FAM107B: variants seen among roughly 807,000 people sequenced by gnomAD.
FAM107B encodes the protein protein FAM107B.
In FAM107B, 21 loss-of-function variants were observed where a neutral mutation model predicts 31.5. That is an observed-to-expected ratio of 0.67 (90% CI 0.47 to 0.96). The LOEUF is 0.96. FAM107B is among the 40% of genes least tolerant of loss of function. The pLI is 0.00. For synonymous variants in FAM107B, 157 were observed against 141.5 expected, an observed-to-expected ratio of 1.11 and a Z score of -0.78; for missense variants, 452 against 377.1, an observed-to-expected ratio of 1.20 and a Z score of -1.64.
intron 1 of FAM107B, among the ~76,000 whole-genome samples, chr10:14,699,136 G>A (rs1397008739): frequency 2.0e-5 from 3 of 152,194 alleles, no homozygotes; most frequent in Admixed American, 6.5e-5. Flanking sequence ...GAAGTAACAG[G>A]TTCTGGTTGT....
chr10:14,696,410 T>G (rs1039296515), intron 1 of FAM107B, among the ~76,000 whole-genome samples: 4 of 152,222 alleles, frequency 2.6e-5, no homozygotes, highest in Admixed American at 1.3e-4. Context: ...ATTGAGGATT[T>G]TTGCATCAGT....
intron 2 of FAM107B, among the ~76,000 whole-genome samples, chr10:14,578,788 T>C (rs773881599): frequency 2.0e-5 from 3 of 152,220 alleles, no homozygotes; most frequent in Non-Finnish European, 2.9e-5. Context: ...GAAGTATGCA[T>C]ACCATTCCTG....
intron 1 of FAM107B, among the ~76,000 whole-genome samples, chr10:14,733,046 T>C (rs1023295782): frequency 1.4e-5 from 2 of 147,218 alleles, no homozygotes; most frequent in Admixed American, 6.9e-5. Flanking sequence ...ATCTAATATA[T>C]AATTATATCT....
In FAM107B at chr10:14,723,588, A is replaced by G. The variant is rs547834477; in HGVS notation, c.411+50665T>C. 3.9e-5 allele frequency: 26 copies of G among 674,200 alleles called. No homozygotes were observed. In the East Asian group the frequency reaches 6.0e-4, roughly 16 times the overall value. 41.8% of individuals were successfully genotyped at this position (674,200 alleles called of 1,614,324 possible). A position where few individuals can be genotyped will look rare whatever the true frequency, so the allele number is the denominator to read the frequency against. On this transcript the variant is annotated intron_variant, in intron 1 of 4. Coordinates refer to ENST00000181796, the MANE Select transcript of FAM107B (RefSeq NM_031453.4). ...TGTTGCATGGAAAGGCTATGTCCAC[A>G]TAGAACAGAGGGGAATCTGTGTGAC...
intron 1 of FAM107B, among the ~76,000 whole-genome samples, chr10:14,735,687 T>C (rs556746043): frequency 6.6e-6 from 1 of 152,290 alleles, no homozygotes; most frequent in South Asian, 2.1e-4. Context: ...TTCATAGAAT[T>C]TAAAGCAGAA....
chr10:14,724,523 C>T (rs1366812243), intron 1 of FAM107B, among the ~76,000 whole-genome samples: 1 of 152,116 alleles, frequency 6.6e-6, no homozygotes, highest in Non-Finnish European at 1.5e-5. Flanking sequence ...TGCAGATAAC[C>T]CACATGGTCA....
chr10:14,658,911 G>A (rs1299122322), intron 2 of FAM107B, among the ~76,000 whole-genome samples: 1 of 152,154 alleles, frequency 6.6e-6, no homozygotes, highest in Non-Finnish European at 1.5e-5. Context: ...TATAATGTGT[G>A]GATAGTGACA....
chr10:14,746,965 T>A (rs1832737683), intron 1 of FAM107B, among the ~76,000 whole-genome samples: 1 of 152,228 alleles, frequency 6.6e-6, no homozygotes, highest in African/African-American at 2.4e-5. Flanking sequence ...CATAATCCCA[T>A]CATTCTTGGA....
chr10:14,631,461 T>C (rs763336684), intron 2 of FAM107B, among the ~76,000 whole-genome samples: 1 of 152,228 alleles, frequency 6.6e-6, no homozygotes, highest in South Asian at 2.1e-4. Context: ...TTAGAATCCA[T>C]CTATTTTTAG....
intron 1 of FAM107B, among the ~76,000 whole-genome samples, chr10:14,685,982 G>C (rs1854974939): frequency 6.6e-6 from 1 of 152,162 alleles, no homozygotes; most frequent in Admixed American, 6.5e-5. Context: ...AAAACCATCA[G>C]ATCTTGTGGG....
intron 2 of FAM107B, among the ~76,000 whole-genome samples, chr10:14,597,567 G>A (rs1217743559): frequency 6.6e-6 from 1 of 152,190 alleles, no homozygotes; most frequent in Non-Finnish European, 1.5e-5. Context: ...GAGATACTGA[G>A]GAGCAGGTGG....
At chr10:14,716,241 G>T (rs2095671221) in intron 1 of FAM107B, among the ~76,000 whole-genome samples, 1 of 152,188 alleles carries the variant, frequency 6.6e-6, no homozygotes, top group Admixed American at 6.5e-5. Flanking sequence ...GCCCTTAGTT[G>T]GGTGGTTCTA....
intron 2 of FAM107B, among the ~76,000 whole-genome samples, chr10:14,622,108 T>C (rs1242702961): frequency 1.3e-5 from 2 of 152,098 alleles, no homozygotes; most frequent in Non-Finnish European, 2.9e-5. Flanking sequence ...TTTAATAAAG[T>C]CCATCTTTCA....
intron 2 of FAM107B, among the ~76,000 whole-genome samples, chr10:14,567,193 G>A (rs1850746928): frequency 6.6e-6 from 1 of 152,092 alleles, no homozygotes; most frequent in African/African-American, 2.4e-5. Context: ...TAAATTGGAG[G>A]TGGGAGAGAA....
intron 2 of FAM107B, among the ~76,000 whole-genome samples, chr10:14,550,846 G>A (rs1033944316): frequency 6.6e-6 from 1 of 152,144 alleles, no homozygotes; most frequent in African/African-American, 2.4e-5. Context: ...AAGGACAAAG[G>A]ACACGTTAAC....
intron 1 of FAM107B, among the ~76,000 whole-genome samples, chr10:14,758,591 C>A (rs1319849442): frequency 6.6e-6 from 1 of 152,164 alleles, no homozygotes; most frequent in African/African-American, 2.4e-5. Flanking sequence ...GGCCTGACAG[C>A]CTCTGCACTG....
At chr10:14,770,932 G>T (rs6602761) in intron 1 of FAM107B, among the ~76,000 whole-genome samples, 1 of 134,306 alleles carries the variant, frequency 7.4e-6, no homozygotes, top group African/African-American at 2.6e-5. Flanking sequence ...AAGATAGAGA[G>T]AGGGGCTTGT....
intron 2 of FAM107B, among the ~76,000 whole-genome samples, chr10:14,538,673 C>T (rs1455308552): frequency 6.6e-6 from 1 of 152,168 alleles, no homozygotes; most frequent in Non-Finnish European, 1.5e-5. Context: ...TCAATCAGTA[C>T]ACTTTTTTGG....
At chr10:14,695,073 C>T (rs967514345) in intron 1 of FAM107B, among the ~76,000 whole-genome samples, 1 of 152,056 alleles carries the variant, frequency 6.6e-6, no homozygotes, top group African/African-American at 2.4e-5. Flanking sequence ...ACGTCATTAC[C>T]AAGGCCAATG....
Sources: allele counts gnomAD v4.1 joint callset (sites outside exome capture counted in the v4.1 genomes callset), GRCh38; gene constraint gnomAD v4.1.1; transcripts MANE v1.5; gene names NCBI Gene and HGNC (gene_info 2026-07-23, HGNC 2026-07-21).